Variants in ZFP2 observed in about 807,000 individuals in gnomAD.
ZFP2 encodes the protein zinc finger protein ZFP2.
Under a neutral mutation model 36.1 loss-of-function variants are expected in ZFP2, and 33 were observed. That is an observed-to-expected ratio of 0.92 (90% CI 0.69 to 1.22). The LOEUF is 1.22. Ranked by LOEUF, ZFP2 falls within the 50% of genes most tolerant of loss-of-function variation. The pLI is 0.00. For missense variants in ZFP2, 522 were observed against 551.4 expected (o/e 0.95, Z 0.53); for synonymous variants, 170 against 178.0 (o/e 0.96, Z 0.36).
intron 4 of ZFP2, among the ~76,000 whole-genome samples, chr5:178,926,399 T>G (rs1394790732): frequency 6.6e-6 from 1 of 152,234 alleles, no homozygotes; most frequent in Non-Finnish European, 1.5e-5. Flanking sequence ...TCTCCTTTGC[T>G]TGTTATGTTG....
At chr5:178,902,379 A>G (rs1193257943) in intron 1 of ZFP2, among the ~76,000 whole-genome samples, 1 of 152,178 alleles carries the variant, frequency 6.6e-6, no homozygotes. Flanking sequence ...CCAAACTACA[A>G]ACCTTACTTG....
chr5:178,901,540 C>A (rs28401457), intron 1 of ZFP2, among the ~76,000 whole-genome samples: 4,851 of 152,200 alleles, frequency 0.032, 142 homozygotes, highest in African/African-American at 0.079. Context: ...ATGGCTGCAT[C>A]GCTCTAATCC....
Position 178,905,741 on chromosome 5 carries a change from C to CT in ZFP2, c.-449-6832dup, listed in dbSNP as rs1179450780. On this transcript the variant is annotated intron_variant, in intron 1 of 4. Transcript: ENST00000361362. ...TATTACTAAGTTCCATGTTCACTTT[C>CT]TTTTTTTTTTTCTTTTTTCTTTTTT... Among the ~76,000 whole-genome samples, 865 of 146,556 alleles carry CT rather than the reference C, an allele frequency of 5.9e-3. 8 individuals carry two copies. The highest frequency in any genetic ancestry group is 0.02 in the African/African-American group (805 of 40,092).
intron 4 of ZFP2, among the ~76,000 whole-genome samples, chr5:178,926,520 T>C (rs1309430941): frequency 1.4e-5 from 2 of 143,456 alleles, no homozygotes; most frequent in African/African-American, 2.5e-5. Context: ...CTGCTGGTAT[T>C]TTCTTTTTTT....
At chr5:178,928,640 G>A (rs1758747939) in intron 4 of ZFP2, among the ~76,000 whole-genome samples, 1 of 152,358 alleles carries the variant, frequency 6.6e-6, no homozygotes, top group East Asian at 1.9e-4. Flanking sequence ...ACATGGCTTT[G>A]CAGTGTTCAG....
At chr5:178,902,855 G>T (rs186155408) in intron 1 of ZFP2, among the ~76,000 whole-genome samples, 36 of 152,288 alleles carry the variant, frequency 2.4e-4, no homozygotes, top group Non-Finnish European at 4.4e-4. Context: ...TCAGGAGTCT[G>T]CACCTGTTCT....
chr5:178,909,796 A>T, intron 1 of ZFP2: 1 of 1,589,064 alleles, frequency 6.3e-7, no homozygotes. Context: ...TTCATTTCCC[A>T]CTCCACAAAG....
chr5:178,899,536 G>A (rs183273507), intron 1 of ZFP2, among the ~76,000 whole-genome samples: 421 of 152,004 alleles, frequency 2.8e-3, no homozygotes, highest in African/African-American at 9.7e-3. Context: ...AGAAGAAATC[G>A]GATAAAAATT....
intron 3 of ZFP2, among the ~76,000 whole-genome samples, chr5:178,913,334 G>C (rs185072385): frequency 3.8e-4 from 58 of 152,290 alleles, no homozygotes; most frequent in African/African-American, 1.3e-3. Context: ...GTAAATGTTA[G>C]CAACCACTAT....
intron 4 of ZFP2, among the ~76,000 whole-genome samples, chr5:178,923,756 T>G (rs1253037893): frequency 6.7e-6 from 1 of 148,792 alleles, no homozygotes; most frequent in Admixed American, 6.7e-5. Flanking sequence ...ATCTTTTTTT[T>G]TTTTTCTTTC....
intron 1 of ZFP2, among the ~76,000 whole-genome samples, chr5:178,907,849 A>C (rs1758198214): frequency 6.6e-6 from 1 of 152,244 alleles, no homozygotes; most frequent in Non-Finnish European, 1.5e-5. Flanking sequence ...CTGAGGTAGC[A>C]CTGCTTTCTC....
chr5:178,930,466 G>A (rs112764634), intron 4 of ZFP2, among the ~76,000 whole-genome samples: 16,900 of 151,018 alleles, frequency 0.11, 1,437 homozygotes, highest in African/African-American at 0.24. Flanking sequence ...GACTACAGGC[G>A]CCTGCCACCA....
chr5:178,909,756 C>T, intron 1 of ZFP2: 1 of 1,565,806 alleles, frequency 6.4e-7, no homozygotes, highest in South Asian at 1.2e-5. Flanking sequence ...GCTGAGTGCA[C>T]CTCTCCCTTC....
chr5:178,919,709 C>T (rs988663263), intron 4 of ZFP2, among the ~76,000 whole-genome samples: 1 of 152,110 alleles, frequency 6.6e-6, no homozygotes, highest in African/African-American at 2.4e-5. Flanking sequence ...CCTGTAATCT[C>T]AGCACTTTGG....
chr5:178,904,914 G>A (rs1374135269), intron 1 of ZFP2, among the ~76,000 whole-genome samples: 3 of 151,824 alleles, frequency 2.0e-5, no homozygotes, highest in African/African-American at 7.3e-5. Flanking sequence ...ATGCTGGCAG[G>A]CTGGTCTCGA....
chr5:178,923,027 ATTCACTGCTTAATT>A (rs1412193443), intron 4 of ZFP2, among the ~76,000 whole-genome samples: 1 of 149,630 alleles, frequency 6.7e-6, no homozygotes, highest in Non-Finnish European at 1.5e-5. Flanking sequence ...GAATTTACAA[ATTCACTGCTTAATT>A]TTCAAACATG....
At chr5:178,915,971 A>G (rs1758422662) in intron 3 of ZFP2, among the ~76,000 whole-genome samples, 1 of 152,232 alleles carries the variant, frequency 6.6e-6, no homozygotes, top group Non-Finnish European at 1.5e-5. Flanking sequence ...TCTGGTGAAA[A>G]TATAAATTTG....
chr5:178,929,943 G>T (rs1181345564), intron 4 of ZFP2, among the ~76,000 whole-genome samples: 3 of 100,134 alleles, frequency 3.0e-5, no homozygotes, highest in South Asian at 3.0e-4. Flanking sequence ...GCTTGACGGT[G>T]GGGGGGGGGG....
chr5:178,909,156 T>G (rs1327804525), intron 1 of ZFP2, among the ~76,000 whole-genome samples: 1 of 145,518 alleles, frequency 6.9e-6, no homozygotes, highest in Non-Finnish European at 1.5e-5. Context: ...GTAAAACCCC[T>G]CGTGGCCTGG....
Sources: gnomAD v4.1 joint callset for allele counts (sites outside exome capture counted in the v4.1 genomes callset) on GRCh38, gnomAD v4.1.1 for gene constraint, MANE v1.5 for transcripts, NCBI Gene and HGNC (gene_info 2026-07-23, HGNC 2026-07-21) for gene names.